The following SMCHD1 variants were observed in gnomAD, a reference collection of about 807,000 sequenced individuals.
SMCHD1 encodes structural maintenance of chromosomes flexible hinge domain-containing protein 1.
SMCHD1 carries 78 observed loss-of-function variants against 254.7 expected under a neutral mutation model. That is an observed-to-expected ratio of 0.31 (90% confidence interval 0.26 to 0.37). SMCHD1 has a LOEUF of 0.37. SMCHD1 is among the 10% of genes least tolerant of loss of function. The probability of loss-of-function intolerance (pLI) is 1.00; values close to 1 mark genes in which losing one functional copy is unlikely to be tolerated. For synonymous variants in SMCHD1, 766 were observed against 794.9 expected (o/e 0.96, Z 0.61); for missense variants, 1,840 against 2,408.1 (o/e 0.76, Z 4.94).
chr18:2,769,770 T>C lies in SMCHD1; in HGVS notation c.4796T>C (p.Leu1599Pro). Residue 1599 changes from leucine to proline, a missense_variant, in exon 38 of 48, where the codon CTT becomes CCT. This residue lies in a region of SMCHD1 where 881 missense variants were observed against 1,009.5 expected (regional missense o/e 0.87). Coordinates refer to ENST00000320876, the MANE Select transcript of SMCHD1 (RefSeq NM_015295.3). Reference sequence around the variant, plus strand: ...ATTGTATTTGAGCCCCGGCTACCACTTTTATCAAGAACCTTAGAACCATAT... The same window carrying C: ...ATTGTATTTGAGCCCCGGCTACCACCTTTATCAAGAACCTTAGAACCATAT... The part of the protein sequence containing the change: ...YFIVFEPRLP[L>P]LSRTLEPYIL... 6.2e-7 allele frequency: 1 copy of C among 1,604,696 alleles called. No homozygotes were observed. Among genetic ancestry groups the C allele is most frequent in the Non-Finnish European group, 8.5e-7 (1 of 1,174,566 alleles).
At chr18:2,785,633 C>CAGAG (rs2076226178) in intron 45 of SMCHD1, among the ~76,000 whole-genome samples, 1 of 110,826 alleles carries the variant, frequency 9.0e-6, no homozygotes, top group South Asian at 3.1e-4. Flanking sequence ...GCCTGGGCAA[C>CAGAG]AGAGACTCTG....
Position 2,698,059 on chromosome 18 carries a change from C to G in SMCHD1, c.1342+18C>G. 1.9e-6 allele frequency: 3 copies of G among 1,563,944 alleles called. No homozygotes were observed. Among genetic ancestry groups the G allele is most frequent in the Non-Finnish European group, 2.6e-6 (3 of 1,138,940 alleles). ...TCCATCAAGTATGTTAATCTGTTAT[C>G]TTAGTTATAAAATATGAAGTTGTAA... On this transcript the variant is annotated intron_variant, in intron 10 of 47. Coordinates refer to ENST00000320876, the MANE Select transcript of SMCHD1 (RefSeq NM_015295.3).
chr18:2,752,125 T>C (rs958022528), intron 33 of SMCHD1, among the ~76,000 whole-genome samples: 1 of 152,184 alleles, frequency 6.6e-6, no homozygotes, highest in African/African-American at 2.4e-5. Context: ...AATAATCTAC[T>C]TCAACATTTA....
At chr18:2,763,851 T>C in intron 37 of SMCHD1, 62 bp downstream of exon 37, 1 of 1,439,624 alleles carries the variant, frequency 6.9e-7, no homozygotes, top group Non-Finnish European at 9.5e-7. Context: ...AACCACCATA[T>C]TAAGACACCT....
At chr18:2,745,729 A>C (rs2075442155) in intron 29 of SMCHD1, among the ~76,000 whole-genome samples, 1 of 152,228 alleles carries the variant, frequency 6.6e-6, no homozygotes, top group Non-Finnish European at 1.5e-5. Context: ...AAATATAAAA[A>C]ATAATGACAG....
At chr18:2,764,621 A>G (rs769260519) in intron 37 of SMCHD1, among the ~76,000 whole-genome samples, 3 of 152,204 alleles carry the variant, frequency 2.0e-5, no homozygotes, top group Non-Finnish European at 4.4e-5. Context: ...TGTACTGAAT[A>G]CATACATTTT....
Position 2,701,031 on chromosome 18 carries a change from G to A in SMCHD1, c.1647+113G>A, listed in dbSNP as rs902165024. ...ATATTTTGCATCAAAAGACTATGAT[G>A]TATAAATTTTTTTATGAGCAGTCAA... On this transcript the variant is annotated intron_variant, in intron 12 of 47. Coordinates refer to ENST00000320876, the MANE Select transcript of SMCHD1 (RefSeq NM_015295.3). The A allele has an allele frequency of 3.3e-5, 27 of 811,106 alleles. No homozygotes were observed. The African/African-American group carries it at 4.0e-4, about 12-fold the overall frequency. The allele number at this position is 811,106 out of a possible 1,614,324, so 50.2% of individuals were successfully genotyped here.
chr18:2,677,687 T>C (rs641567), intron 5 of SMCHD1, among the ~76,000 whole-genome samples: 126,060 of 152,208 alleles, frequency 0.83, 55,453 homozygotes, highest in East Asian at 1. Context: ...AGTGTAGTGG[T>C]GCTATCTTGG....
intron 45 of SMCHD1, among the ~76,000 whole-genome samples, chr18:2,787,493 TC>T (rs2076257917): frequency 1.3e-5 from 2 of 151,928 alleles, no homozygotes; most frequent in South Asian, 4.2e-4. Flanking sequence ...GTTTATGACA[TC>T]AGTGGACACA....
chr18:2,773,867 G>A (rs1033841380), intron 41 of SMCHD1, among the ~76,000 whole-genome samples: 5 of 152,140 alleles, frequency 3.3e-5, no homozygotes, highest in Admixed American at 6.5e-5. Context: ...AGGTTGCAGT[G>A]AGCCGAGATC....
chr18:2,668,609 T>TA (rs1243728603), intron 3 of SMCHD1, among the ~76,000 whole-genome samples: 2 of 152,086 alleles, frequency 1.3e-5, no homozygotes, highest in African/African-American at 4.8e-5. Context: ...ACTAAAGTCT[T>TA]ACTTCCTTCA....
intron 17 of SMCHD1, among the ~76,000 whole-genome samples, chr18:2,710,881 G>T (rs11661834): frequency 0.29 from 44,712 of 152,042 alleles, 6,798 homozygotes; most frequent in East Asian, 0.5. Context: ...TCATGAAAGA[G>T]TATTGTTTTC....
chr18:2,711,004 TCTCA>T (rs2074654462), intron 17 of SMCHD1, among the ~76,000 whole-genome samples: 1 of 152,130 alleles, frequency 6.6e-6, no homozygotes, highest in Non-Finnish European at 1.5e-5. Context: ...TGAGACGGGT[TCTCA>T]CTCTGTCACC....
intron 17 of SMCHD1, among the ~76,000 whole-genome samples, chr18:2,713,467 C>CT (rs1378239164): frequency 5.3e-5 from 8 of 152,058 alleles, no homozygotes; most frequent in Non-Finnish European, 7.4e-5. Flanking sequence ...GGCATGCTTT[C>CT]TTTAAGATAC....
chr18:2,719,677 A>ATT (rs59838462), intron 19 of SMCHD1, among the ~76,000 whole-genome samples: 33,301 of 144,696 alleles, frequency 0.23, 3,934 homozygotes, highest in South Asian at 0.35. Context: ...ACTGCACCTA[A>ATT]TTTTTTTTTT....
At chr18:2,727,856 CTTG>C (rs1367437457) in intron 22 of SMCHD1, among the ~76,000 whole-genome samples, 2 of 151,978 alleles carry the variant, frequency 1.3e-5, no homozygotes, top group Non-Finnish European at 1.5e-5. Context: ...TCTCCATATA[CTTG>C]TTATCAGTAT....
chr18:2,729,290 A>G lies in SMCHD1; in HGVS notation c.2929A>G (p.Asn977Asp), dbSNP rs2075089431. The G allele has an allele frequency of 5.3e-6, 8 of 1,501,220 alleles. No homozygotes were observed. The highest frequency in any genetic ancestry group is 4.1e-5 in the South Asian group (3 of 73,522). The allele number at this position is 1,501,220 out of a possible 1,614,324, so 93.0% of individuals were successfully genotyped here. A position where few individuals can be genotyped will look rare whatever the true frequency, so the allele number is the denominator to read the frequency against. The stretch of plus-strand genomic sequence containing the variant: ...TTTCAAATAGTTTTCAGGTGCTCCA[A>G]ACCTTCCAGTCTATGTTGTAGATTG... ...IVHCKFSGAPNLPVYVVDCSS... is the reference protein window; with the variant it reads ...IVHCKFSGAPDLPVYVVDCSS... Residue 977 changes from asparagine (N) to aspartate (D), a missense_variant, in exon 24 of 48, where the codon AAC becomes GAC. By Grantham distance (23) the Asn-to-Asp change is conservative (BLOSUM62 1). Coordinates refer to ENST00000320876, the MANE Select transcript of SMCHD1 (RefSeq NM_015295.3).
At chr18:2,685,444 A>G (rs2074030143) in intron 5 of SMCHD1, among the ~76,000 whole-genome samples, 1 of 152,158 alleles carries the variant, frequency 6.6e-6, no homozygotes, top group South Asian at 2.1e-4. Flanking sequence ...AAATTGTGGT[A>G]AGATATAAAT....
chr18:2,782,467 T>C (rs542333473), intron 44 of SMCHD1, among the ~76,000 whole-genome samples: 6 of 152,168 alleles, frequency 3.9e-5, no homozygotes, highest in African/African-American at 1.2e-4. Context: ...AGGCTGAGCA[T>C]GATGGCTCAT....
Sources: allele counts gnomAD v4.1 joint callset (sites outside exome capture counted in the v4.1 genomes callset), GRCh38; gene constraint gnomAD v4.1.1; regional missense constraint gnomAD v4.1.1; transcripts MANE v1.5; gene names NCBI Gene and HGNC (gene_info 2026-07-23, HGNC 2026-07-21).